MLF1: variants seen among roughly 807,000 people sequenced by gnomAD.
The protein encoded by MLF1 is myeloid leukemia factor 1.
In MLF1, 37 loss-of-function variants were observed where a neutral mutation model predicts 38.3. The ratio of observed to expected loss-of-function variants is 0.96; its 90% CI spans 0.74 to 1.27. The LOEUF (loss-of-function observed/expected upper bound fraction) is 1.27, where lower values mean the gene tolerates loss of function less well. Among genes scored for constraint, MLF1 ranks in the 50% most tolerant of loss-of-function variants. The pLI, the probability that MLF1 is intolerant of heterozygous loss-of-function variation, is 0.00. For synonymous variants in MLF1, 95 were observed against 106.5 expected, an observed-to-expected ratio of 0.89 and a Z score of 0.66; for missense variants, 331 against 349.2, an observed-to-expected ratio of 0.95 and a Z score of 0.42.
At chr3:158,596,585 G>A (rs142636868) in intron 3 of MLF1, among the ~76,000 whole-genome samples, 58 of 152,208 alleles carry the variant, frequency 3.8e-4, no homozygotes, top group African/African-American at 1.3e-3. Flanking sequence ...GATTAGGTGT[G>A]TATGTGTTTT....
In MLF1 at chr3:158,571,239, C is replaced by T; in HGVS notation, c.-62C>T. On this transcript the variant is annotated 5_prime_UTR_variant, in exon 1 of 8. Coordinates refer to ENST00000466246, the MANE Select transcript of MLF1 (RefSeq NM_001369783.1). ...TGGAGGCTAGCTCTTGTCGCGGCCG[C>T]GGCGAGTTAACATCGTTTTTCCAAT... 1 of 1,388,422 alleles carries T rather than the reference C, an allele frequency of 7.2e-7. No homozygotes were observed. Among genetic ancestry groups the T allele is most frequent in the South Asian group, 1.2e-5 (1 of 84,762 alleles). 86.0% of individuals were successfully genotyped at this position (1,388,422 alleles called of 1,614,324 possible).
chr3:158,595,634 A>C (rs1560108081), intron 3 of MLF1, among the ~76,000 whole-genome samples: 2 of 152,142 alleles, frequency 1.3e-5, no homozygotes, highest in Non-Finnish European at 2.9e-5. Flanking sequence ...ATTCTACTTC[A>C]GTCCTTTTTT....
intron 1 of MLF1, among the ~76,000 whole-genome samples, chr3:158,583,195 AGTCACTCCACTCTTCCCC>A (rs1716687844): frequency 1.3e-5 from 2 of 152,270 alleles, no homozygotes; most frequent in South Asian, 4.1e-4. Context: ...TTTAATTTGC[AGTCACTCCACTCTTCCCC>A]TCACTTTCTT....
At position 158,585,370 on chromosome 3, in the gene MLF1, A is replaced by G. The variant is rs116771374; in HGVS notation, c.48-7064A>G. ...TACTGGTTCCCCTTTACCTTCCTCCATAAGTGGAAGCATCCTGAAGTTCTC... is the reference window on the plus strand; with the variant it reads ...TACTGGTTCCCCTTTACCTTCCTCCGTAAGTGGAAGCATCCTGAAGTTCTC... On this transcript the variant is annotated intron_variant, in intron 1 of 7. Transcript: ENST00000466246. 4.2e-3 allele frequency among the ~76,000 whole-genome samples: 641 copies of G among 152,108 alleles called. 6 individuals are homozygous for G. The highest frequency in any genetic ancestry group is 0.014 in the African/African-American group (566 of 41,478).
At chr3:158,571,444 A>G (rs1714265012) in intron 1 of MLF1, 97 bp downstream of exon 1, 4 of 1,457,174 alleles carry the variant, frequency 2.7e-6, no homozygotes, top group Non-Finnish European at 3.8e-6. Context: ...AGGGCGAGAG[A>G]GAATTCGGAG....
At chr3:158,593,295 G>A in intron 2 of MLF1, 87 bp from the exon 3 acceptor site, 1 of 1,048,402 alleles carries the variant, frequency 9.5e-7, no homozygotes, top group Non-Finnish European at 1.4e-6. Flanking sequence ...GTAGCAATTT[G>A]AAATTCAGTA....
intron 1 of MLF1, chr3:158,590,692 A>G (rs1717986859): frequency 4.7e-6 from 2 of 422,476 alleles, no homozygotes; most frequent in Admixed American, 3.0e-5. Context: ...CCAAACTATA[A>G]TGACAGAAAG....
chr3:158,598,211 A>T lies in MLF1; in HGVS notation c.453+3A>T. The T allele has an allele frequency of 6.2e-7, 1 of 1,611,014 alleles. No individual in the cohort carries two copies. Among genetic ancestry groups the T allele is most frequent in the Non-Finnish European group, 8.5e-7 (1 of 1,179,222 alleles). On this transcript the variant is annotated splice_donor_region_variant and intron_variant, in intron 5 of 7. Coordinates refer to ENST00000466246, the MANE Select transcript of MLF1 (RefSeq NM_001369783.1). ...AAACTCGTCGAGCTCCAGGAGGAGTAAGTTTTCTATAAGCATTCCTAAAGT... is the reference window on the plus strand; with the variant it reads ...AAACTCGTCGAGCTCCAGGAGGAGTTAGTTTTCTATAAGCATTCCTAAAGT...
intron 1 of MLF1, among the ~76,000 whole-genome samples, chr3:158,578,090 T>C (rs1014491210): frequency 4.6e-5 from 7 of 152,176 alleles, no homozygotes; most frequent in Admixed American, 6.5e-5. Context: ...GAATGTTACA[T>C]GCATTATTTC....
intron 1 of MLF1, among the ~76,000 whole-genome samples, chr3:158,582,025 C>T (rs973157844): frequency 1.3e-5 from 2 of 151,966 alleles, no homozygotes; most frequent in African/African-American, 4.8e-5. Flanking sequence ...ACTAAAAATA[C>T]AAAAATTAGC....
chr3:158,598,437 G>A (rs1459515115), intron 5 of MLF1, among the ~76,000 whole-genome samples: 2 of 150,300 alleles, frequency 1.3e-5, no homozygotes, highest in Non-Finnish European at 3.0e-5. Context: ...CCCCGTGAGG[G>A]TGCCTTTTTT....
chr3:158,586,408 A>G (rs1717269925), intron 1 of MLF1, among the ~76,000 whole-genome samples: 2 of 152,148 alleles, frequency 1.3e-5, no homozygotes. Flanking sequence ...TACTGAGAGG[A>G]AATAATGGAG....
chr3:158,571,511 G>C, intron 1 of MLF1, 164 bp downstream of exon 1: 2 of 807,236 alleles, frequency 2.5e-6, no homozygotes, highest in South Asian at 3.2e-5. Context: ...AGGGAAGAGA[G>C]AGGAGGATTT....
At chr3:158,602,344 A>C (rs1205507056) in intron 6 of MLF1, among the ~76,000 whole-genome samples, 4 of 152,224 alleles carry the variant, frequency 2.6e-5, no homozygotes, top group Non-Finnish European at 5.9e-5. Flanking sequence ...TTACTTCATA[A>C]CAACATGAAT....
chr3:158,578,965 C>T (rs1010314291), intron 1 of MLF1, among the ~76,000 whole-genome samples: 2 of 152,088 alleles, frequency 1.3e-5, no homozygotes, highest in Admixed American at 6.6e-5. Flanking sequence ...ATACCATGAA[C>T]GTTTTCCTGG....
At chr3:158,585,710 C>A (rs1717147298) in intron 1 of MLF1, among the ~76,000 whole-genome samples, 1 of 152,002 alleles carries the variant, frequency 6.6e-6, no homozygotes, top group East Asian at 1.9e-4. Context: ...CAACATTCAA[C>A]ACAGAATCAC....
intron 1 of MLF1, chr3:158,573,266 T>G (rs4680445): frequency 0.56 from 84,402 of 150,234 alleles, 24,583 homozygotes; most frequent in African/African-American, 0.72. Flanking sequence ...GCCATGCCAA[T>G]TGCGCTGTTT....
In MLF1 at chr3:158,571,205, C is replaced by A. The variant is rs887830355; in HGVS notation, c.-96C>A. 6.2e-6 allele frequency: 6 copies of A among 974,372 alleles called. No individual in the cohort carries two copies. The highest frequency in any genetic ancestry group is 1.5e-5 in the South Asian group (1 of 68,448). 60.4% of individuals were successfully genotyped at this position (974,372 alleles called of 1,614,324 possible). ...GCCTGCGCCGCGGCGAGTGAGGCGT[C>A]GTCCGTACTGGAGGCTAGCTCTTGT... On this transcript the variant is annotated 5_prime_UTR_variant, in exon 1 of 8. Transcript: ENST00000466246.
chr3:158,573,007 G>A (rs1385780116), intron 1 of MLF1, among the ~76,000 whole-genome samples: 1 of 151,714 alleles, frequency 6.6e-6, no homozygotes, highest in Admixed American at 6.6e-5. Flanking sequence ...GGGCTTTGCA[G>A]GTGACATAAC....
Sources: gnomAD v4.1 joint callset for allele counts (sites outside exome capture counted in the v4.1 genomes callset) on GRCh38, gnomAD v4.1.1 for gene constraint, MANE v1.5 for transcripts, NCBI Gene and HGNC (gene_info 2026-07-23, HGNC 2026-07-21) for gene names.